The following CDH18 variants were observed in gnomAD, a reference collection of about 807,000 sequenced individuals.
CDH18 encodes the protein cadherin 18.
A neutral mutation model predicts 67.9 loss-of-function variants in CDH18; 31 were observed. That is an observed-to-expected ratio of 0.46 (90% CI 0.34 to 0.62). The LOEUF is 0.62. CDH18 is among the 20% of genes least tolerant of loss of function. The probability of loss-of-function intolerance (pLI) is 0.01; values close to 1 mark genes in which losing one functional copy is unlikely to be tolerated. For synonymous variants in CDH18, 362 were observed against 347.2 expected, an observed-to-expected ratio of 1.04 and a Z score of -0.48; for missense variants, 890 against 975.5, an observed-to-expected ratio of 0.91 and a Z score of 1.17.
intron 2 of CDH18, among the ~76,000 whole-genome samples, chr5:20,158,390 A>T (rs1471588604): frequency 1.3e-5 from 2 of 152,200 alleles, no homozygotes; most frequent in African/African-American, 2.4e-5. Flanking sequence ...GAACTGTTTA[A>T]TAATTGAATG....
rs1276066628 is a variant in CDH18 at position 20,501,585 on chromosome 5, ATATATATAT to A, written c.-580+73868_-580+73876del. 5.4e-3 allele frequency among the ~76,000 whole-genome samples: 74 copies of A among 13,618 alleles called. 1 individual carries two copies. The highest frequency in any genetic ancestry group is 0.04 in the East Asian group (9 of 224). 8.9% of individuals were successfully genotyped at this position (13,618 alleles called of 152,430 possible). A position where few individuals can be genotyped will look rare whatever the true frequency, so the allele number is the denominator to read the frequency against. ...TATATATATAATATATATATATTAT[ATATATATAT>A]TATATATATATATATATATATGGAG... On this transcript the variant is annotated intron_variant, in intron 1 of 14. Transcript: ENST00000507958.
chr5:19,699,361 C>G (rs1762920883), intron 5 of CDH18, among the ~76,000 whole-genome samples: 1 of 152,084 alleles, frequency 6.6e-6, no homozygotes, highest in Non-Finnish European at 1.5e-5. Context: ...AGGGAGTGTA[C>G]AGAATCCAAC....
chr5:20,338,709 G>A (rs1739995459), intron 1 of CDH18, among the ~76,000 whole-genome samples: 2 of 152,128 alleles, frequency 1.3e-5, no homozygotes, highest in African/African-American at 2.4e-5. Flanking sequence ...CCCTTTTTCT[G>A]TGATGTCTTG....
At chr5:20,534,462 C>T (rs1299247944) in intron 1 of CDH18, among the ~76,000 whole-genome samples, 2 of 151,922 alleles carry the variant, frequency 1.3e-5, no homozygotes, top group Non-Finnish European at 2.9e-5. Context: ...AGATACAAAA[C>T]ACAAGAACAG....
At chr5:19,590,558 T>A (rs1443593727) in intron 7 of CDH18, among the ~76,000 whole-genome samples, 1 of 151,874 alleles carries the variant, frequency 6.6e-6, no homozygotes, top group African/African-American at 2.4e-5. Context: ...CACATCAACA[T>A]CTACAGTAGG....
chr5:19,508,682 G>A (rs1014725649), intron 10 of CDH18, among the ~76,000 whole-genome samples: 3 of 151,922 alleles, frequency 2.0e-5, no homozygotes, highest in Non-Finnish European at 2.9e-5. Flanking sequence ...TCTGTTAATT[G>A]AGACAGACTG....
At position 20,398,567 on chromosome 5, in the gene CDH18, T is replaced by C. The variant is rs551687242; in HGVS notation, c.-579-143062A>G. On this transcript the variant is annotated intron_variant, in intron 1 of 14. Coordinates refer to the CDH18 transcript ENST00000507958. Reference sequence around the variant, plus strand: ...CATCAAAAGCAATGAAACGTCCTAATGCGGGGCTTAAAACCTAGATGATGG... The same window carrying C: ...CATCAAAAGCAATGAAACGTCCTAACGCGGGGCTTAAAACCTAGATGATGG... Among the ~76,000 whole-genome samples the C allele has an allele frequency of 5.2e-4, 79 of 152,272 alleles. No individual in the cohort carries two copies. The South Asian group carries it at 0.014, about 26-fold the overall frequency.
chr5:20,057,265 C>T (rs907988135), intron 2 of CDH18, among the ~76,000 whole-genome samples: 33 of 151,908 alleles, frequency 2.2e-4, no homozygotes, highest in African/African-American at 8.0e-4. Context: ...TATAAAAATC[C>T]CAGGAATTCA....
intron 5 of CDH18, among the ~76,000 whole-genome samples, chr5:19,699,630 G>GTGTGTGTC (rs1554007600): frequency 1.3e-4 from 16 of 127,634 alleles, no homozygotes; most frequent in Admixed American, 9.1e-4. Context: ...GTGTGTGTGT[G>GTGTGTGTC]TGTGTGTGTG....
chr5:20,027,503 A>C (rs566498737), intron 2 of CDH18, among the ~76,000 whole-genome samples: 1 of 152,324 alleles, frequency 6.6e-6, no homozygotes, highest in Admixed American at 6.5e-5. Context: ...CATCTGATCC[A>C]TTTCTGGATG....
intron 2 of CDH18, among the ~76,000 whole-genome samples, chr5:19,960,921 T>C (rs1796821168): frequency 6.6e-6 from 1 of 151,002 alleles, no homozygotes; most frequent in Non-Finnish European, 1.5e-5. Context: ...TTTATTATCA[T>C]TATCAAGCAT....
chr5:20,510,161 C>A (rs545654088), intron 1 of CDH18, among the ~76,000 whole-genome samples: 2 of 151,930 alleles, frequency 1.3e-5, no homozygotes, highest in Admixed American at 1.3e-4. Context: ...AATTTTTTTT[C>A]ATAGGCCTAT....
intron 5 of CDH18, among the ~76,000 whole-genome samples, chr5:19,663,331 ACTG>A (rs2150319501): frequency 6.6e-6 from 1 of 152,020 alleles, no homozygotes; most frequent in East Asian, 1.9e-4. Flanking sequence ...ACTAATACTA[ACTG>A]CTATTTGTAC....
At chr5:19,667,025 T>C (rs557327656) in intron 5 of CDH18, among the ~76,000 whole-genome samples, 1 of 152,152 alleles carries the variant, frequency 6.6e-6, no homozygotes, top group South Asian at 2.1e-4. Context: ...TTTTAAGTGT[T>C]GAAATAATCT....
At chr5:20,013,224 A>G (rs374546087) in intron 2 of CDH18, among the ~76,000 whole-genome samples, 1 of 152,062 alleles carries the variant, frequency 6.6e-6, no homozygotes, top group African/African-American at 2.4e-5. Context: ...ATCTGCTTTC[A>G]GGATAGGGAA....
chr5:19,739,292 C>T (rs926131317), intron 4 of CDH18, among the ~76,000 whole-genome samples: 5 of 152,110 alleles, frequency 3.3e-5, no homozygotes, highest in Non-Finnish European at 7.4e-5. Context: ...CTCTAAAACC[C>T]TTAATATTTT....
intron 1 of CDH18, among the ~76,000 whole-genome samples, chr5:20,514,496 A>G (rs1344170142): frequency 6.6e-6 from 1 of 152,110 alleles, no homozygotes; most frequent in East Asian, 1.9e-4. Context: ...AAGTTTAGAG[A>G]GAGGGAGTTC....
At chr5:19,721,937 T>C (rs935842068) in intron 4 of CDH18, among the ~76,000 whole-genome samples, 25 of 152,214 alleles carry the variant, frequency 1.6e-4, no homozygotes, top group African/African-American at 6.0e-4. Context: ...AAATTATCAA[T>C]GACATCACAA....
chr5:19,939,385 C>T (rs1794605173), intron 2 of CDH18, among the ~76,000 whole-genome samples: 1 of 136,302 alleles, frequency 7.3e-6, no homozygotes, highest in Non-Finnish European at 1.7e-5. Context: ...TACAAGCAAC[C>T]AAATAAAGGC....
Sources: allele counts gnomAD v4.1 joint callset (sites outside exome capture counted in the v4.1 genomes callset), GRCh38; gene constraint gnomAD v4.1.1; transcripts MANE v1.5; gene names NCBI Gene and HGNC (gene_info 2026-07-23, HGNC 2026-07-21).